Variants in LHFPL3 observed in about 807,000 individuals in gnomAD.
The protein encoded by LHFPL3 is LHFPL tetraspan subfamily member 3 protein.
Under a neutral mutation model 19.3 loss-of-function variants are expected in LHFPL3, and 5 were observed. That is an observed-to-expected ratio of 0.26 (90% CI 0.14 to 0.54). The LOEUF is 0.54. Among genes scored for constraint, LHFPL3 ranks in the 20% least tolerant of loss-of-function variants. The pLI, the probability that LHFPL3 is intolerant of heterozygous loss-of-function variation, is 0.94. For synonymous variants in LHFPL3, 133 were observed against 126.2 expected, an observed-to-expected ratio of 1.05 and a Z score of -0.36; for missense variants, 249 against 307.4, an observed-to-expected ratio of 0.81 and a Z score of 1.42.
chr7:104,802,474 G>C (rs1294029829), intron 2 of LHFPL3, among the ~76,000 whole-genome samples: 3 of 124,674 alleles, frequency 2.4e-5, no homozygotes, highest in African/African-American at 6.1e-5. Context: ...GCCTGGGCAA[G>C]AGAGCCAACC....
At chr7:104,612,697 G>C (rs1791233959) in intron 1 of LHFPL3, among the ~76,000 whole-genome samples, 1 of 152,182 alleles carries the variant, frequency 6.6e-6, no homozygotes, top group Admixed American at 6.5e-5. Flanking sequence ...ATGCCGCTCA[G>C]CTGATTAATC....
chr7:104,430,016 A>G (rs559057922), intron 1 of LHFPL3, among the ~76,000 whole-genome samples: 4 of 152,178 alleles, frequency 2.6e-5, no homozygotes, highest in Non-Finnish European at 5.9e-5. Context: ...TGGCTCCTCA[A>G]ACCGCTCTAG....
chr7:104,881,943 G>T (rs980084128), intron 2 of LHFPL3, among the ~76,000 whole-genome samples: 6 of 152,152 alleles, frequency 3.9e-5, no homozygotes, highest in Non-Finnish European at 8.8e-5. Flanking sequence ...TTTAAATTAA[G>T]TATGTATATT....
At chr7:104,460,641 T>C (rs1056591037) in intron 1 of LHFPL3, among the ~76,000 whole-genome samples, 3 of 152,202 alleles carry the variant, frequency 2.0e-5, no homozygotes, top group African/African-American at 7.2e-5. Flanking sequence ...CCCACATGTA[T>C]GTCTTCTTTT....
At chr7:104,900,000 G>A (rs534175369) in intron 2 of LHFPL3, among the ~76,000 whole-genome samples, 1 of 152,306 alleles carries the variant, frequency 6.6e-6, no homozygotes, top group East Asian at 1.9e-4. Flanking sequence ...CCAAAGTGCT[G>A]GGATTACAGG....
intron 1 of LHFPL3, among the ~76,000 whole-genome samples, chr7:104,366,757 A>C (rs1379471445): frequency 2.0e-5 from 3 of 152,210 alleles, no homozygotes; most frequent in African/African-American, 7.2e-5. Context: ...CTTTGACTAC[A>C]TTCTTGATAA....
chr7:104,510,314 A>T (rs1381527926), intron 1 of LHFPL3, among the ~76,000 whole-genome samples: 2 of 152,190 alleles, frequency 1.3e-5, no homozygotes, highest in East Asian at 1.9e-4. Flanking sequence ...TAGAATCCAT[A>T]TATTCAATCT....
chr7:104,793,571 G>A (rs1790063607), intron 2 of LHFPL3, among the ~76,000 whole-genome samples: 1 of 152,136 alleles, frequency 6.6e-6, no homozygotes, highest in Admixed American at 6.5e-5. Flanking sequence ...TCTAAAGAAT[G>A]GTTTGAACTA....
intron 1 of LHFPL3, among the ~76,000 whole-genome samples, chr7:104,571,225 C>G (rs1472852286): frequency 6.6e-6 from 1 of 152,106 alleles, no homozygotes; most frequent in African/African-American, 2.4e-5. Context: ...CCTGAAGTAT[C>G]TACTTTAGAC....
intron 1 of LHFPL3, among the ~76,000 whole-genome samples, chr7:104,531,861 G>A (rs1168895402): frequency 6.6e-6 from 1 of 152,102 alleles, no homozygotes; most frequent in Non-Finnish European, 1.5e-5. Context: ...CTGGGGATCA[G>A]GATCTTTAAT....
At chr7:104,353,284 G>T (rs915475288) in intron 1 of LHFPL3, among the ~76,000 whole-genome samples, 2 of 152,206 alleles carry the variant, frequency 1.3e-5, no homozygotes, top group African/African-American at 4.8e-5. Context: ...ATAGGCAACT[G>T]CATGAAACAG....
At chr7:104,741,439 GT>G (rs2116317571) in intron 2 of LHFPL3, among the ~76,000 whole-genome samples, 1 of 134,686 alleles carries the variant, frequency 7.4e-6, no homozygotes, top group Non-Finnish European at 1.5e-5. Flanking sequence ...CTCCAGTGAA[GT>G]GCCAGAATAT....
At chr7:104,727,458 G>C (rs1156774101) in intron 1 of LHFPL3, among the ~76,000 whole-genome samples, 2 of 152,110 alleles carry the variant, frequency 1.3e-5, no homozygotes, top group Non-Finnish European at 2.9e-5. Context: ...ATAGCTTTGA[G>C]TTTTACATTT....
chr7:104,699,781 C>G (rs1793066914), intron 1 of LHFPL3, among the ~76,000 whole-genome samples: 4 of 152,194 alleles, frequency 2.6e-5, no homozygotes, highest in Admixed American at 2.6e-4. Flanking sequence ...TTTAGTTATC[C>G]TCATAGCTTT....
At chr7:104,797,420 T>C (rs1790154701) in intron 2 of LHFPL3, among the ~76,000 whole-genome samples, 1 of 152,124 alleles carries the variant, frequency 6.6e-6, no homozygotes, top group Admixed American at 6.5e-5. Flanking sequence ...TCCTTAGCTA[T>C]CTTTAGTTCT....
At chr7:104,661,352 T>A (rs994316528) in intron 1 of LHFPL3, among the ~76,000 whole-genome samples, 10 of 152,124 alleles carry the variant, frequency 6.6e-5, no homozygotes, top group South Asian at 2.1e-4. Flanking sequence ...AGTTAAAACA[T>A]CCAGGGCAGT....
intron 2 of LHFPL3, among the ~76,000 whole-genome samples, chr7:104,850,901 C>A (rs1229668713): frequency 6.6e-6 from 1 of 152,112 alleles, no homozygotes; most frequent in Non-Finnish European, 1.5e-5. Flanking sequence ...CCCTCACCCA[C>A]AGAGATTTAG....
chr7:104,508,741 C>G (rs1269340628), intron 1 of LHFPL3, among the ~76,000 whole-genome samples: 1 of 150,462 alleles, frequency 6.6e-6, no homozygotes, highest in Non-Finnish European at 1.5e-5. Flanking sequence ...AAACCCAAAG[C>G]AAGCAGAAGG....
At chr7:104,549,516 G>A (rs758022674) in intron 1 of LHFPL3, among the ~76,000 whole-genome samples, 25 of 148,230 alleles carry the variant, frequency 1.7e-4, no homozygotes, top group Non-Finnish European at 3.1e-4. Flanking sequence ...ATTATAATTT[G>A]CTATGCACTT....
Sources: allele counts gnomAD v4.1 joint callset (sites outside exome capture counted in the v4.1 genomes callset), GRCh38; gene constraint gnomAD v4.1.1; transcripts MANE v1.5; gene names NCBI Gene and HGNC (gene_info 2026-07-23, HGNC 2026-07-21).